Variants in CPT1B observed in about 807,000 individuals in gnomAD.
CPT1B encodes the protein carnitine palmitoyltransferase 1B.
In CPT1B, 57 loss-of-function variants were observed where a neutral mutation model predicts 92.7. That is an observed-to-expected ratio of 0.62 (90% CI 0.50 to 0.77). The LOEUF (loss-of-function observed/expected upper bound fraction) is 0.77. Among genes scored for constraint, CPT1B ranks in the 30% least tolerant of loss-of-function variants. The pLI, the probability that CPT1B is intolerant of heterozygous loss-of-function variation, is 0.00. For missense variants in CPT1B, 983 were observed against 1,017.4 expected (o/e 0.97, Z 0.46); for synonymous variants, 398 against 383.5 (o/e 1.04, Z -0.44).
rs1331498122 is a variant in CPT1B, at chr22:50,573,362, G to A, written c.1166+158C>T. 6.6e-6 allele frequency among the ~76,000 whole-genome samples: 1 copy of A among 152,144 alleles called. No individual in the cohort carries two copies. The highest frequency in any genetic ancestry group is 1.5e-5 in the Non-Finnish European group (1 of 68,006). ...CTTCACCTGGCTGCCACCCGTCAGA[G>A]GTAGGTTATGCTGGCTGTCCTGCTG... On this transcript the variant is annotated intron_variant, in intron 10 of 19. Coordinates refer to ENST00000312108, the MANE Select transcript of CPT1B (RefSeq NM_152246.3). The surrounding 1 kb of genome is among the most constrained non-coding windows in gnomAD (Gnocchi z 5.0).
rs771940517 is a variant in CPT1B, at chr22:50,571,171, T to G, written c.1862A>C (p.Glu621Ala). ...ESTAFVQAMM[E>A]GSHTKADLRD... ...GAGGACACTTACTGTGTGGGACCCCTCCATCATGGCCTGCACAAAGGCTGT... is the reference window on the plus strand; with the variant it reads ...GAGGACACTTACTGTGTGGGACCCCGCCATCATGGCCTGCACAAAGGCTGT... Residue 621 changes from glutamate to alanine, a missense_variant, in exon 15 of 20, where the codon GAG (glutamate) becomes GCG (alanine). Transcript: ENST00000312108. 6.2e-7 allele frequency: 1 copy of G among 1,613,956 alleles called. No individual in the cohort carries two copies. The highest frequency in any genetic ancestry group is 1.3e-5 in the African/African-American group (1 of 74,902).
At chr22:50,572,423 TCA>T in intron 11 of CPT1B, 115 bp from the exon 12 acceptor site, 1 of 670,460 alleles carries the variant, frequency 1.5e-6, no homozygotes. Context: ...TCTTTTTCTC[TCA>T]CTTTTTTTTT....
At chr22:50,577,513 C>T (rs2070507401) in intron 2 of CPT1B, 50 bp from the exon 3 acceptor site, 1 of 1,604,294 alleles carries the variant, frequency 6.2e-7, no homozygotes, top group Non-Finnish European at 8.5e-7. Context: ...GGGAGGTTAG[C>T]CTGCCTGTGA....
Position 50,572,246 on chromosome 22 carries a change from T to C in CPT1B, c.1415A>G (p.Glu472Gly). 1 of 1,614,008 alleles carries C rather than the reference T, an allele frequency of 6.2e-7. No homozygotes were observed. The highest frequency in any genetic ancestry group is 1.1e-5 in the South Asian group (1 of 91,076). ...GATGGGAGCATCTGCCCACGCATGC[T>C]CTGCATTGAGACCCAACTGGCCATT... is the stretch of plus-strand genomic sequence containing the variant. ...FKNGQLGLNA[E>G]HAWADAPIIG... The change falls in exon 12 of 20, where the codon GAG (glutamate) becomes GGG (glycine). Residue 472 changes from glutamate to glycine, a missense_variant. Glu to Gly is a moderately conservative substitution (Grantham distance 98, BLOSUM62 -2). Transcript: ENST00000312108.
At chr22:50,575,807 G>T (rs746387685) in intron 7 of CPT1B, among the ~76,000 whole-genome samples, 1 of 152,192 alleles carries the variant, frequency 6.6e-6, no homozygotes, top group Non-Finnish European at 1.5e-5. Context: ...GCGGTGGCAG[G>T]CTGGCGGTCT....
chr22:50,570,336 T>C lies in CPT1B; in HGVS notation c.2099A>G (p.Glu700Gly). ...PQSQIRMFDP[E>G]QHPNHLGAGG... ...AGCGCCCAGGTGATTGGGGTGCTGC[T>C]CTGGGTCGAACATGCGGATCTGGGA... Residue 700 changes from glutamate to glycine, a missense_variant, in exon 17 of 20, where the codon GAG becomes GGG. Physicochemically the swap from Glu to Gly is moderately conservative, Grantham distance 98. Transcript: ENST00000312108. 1 of 1,607,526 alleles carries C rather than the reference T, an allele frequency of 6.2e-7. No individual in the cohort carries two copies. The highest frequency in any genetic ancestry group is 2.2e-5 in the East Asian group (1 of 44,782).
rs2070415165 is a variant in CPT1B at position 50,576,054 on chromosome 22, T to C, written c.758A>G (p.Asn253Ser). The change falls in exon 7 of 20, where the codon AAC (asparagine) becomes AGC (serine). Residue 253 changes from asparagine (N) to serine (S), a missense_variant. Coordinates refer to ENST00000312108, the MANE Select transcript of CPT1B (RefSeq NM_152246.3). Reference sequence around the variant, plus strand: ...TCATACCATGACATAATAGTTGCTGTTCACCATGAGAGGGCTCCTGCCTCG... The same window carrying C: ...TCATACCATGACATAATAGTTGCTGCTCACCATGAGAGGGCTCCTGCCTCG... ...YLRGRSPLMVNSNYYVMDLVL... is the reference protein window; with the variant it reads ...YLRGRSPLMVSSNYYVMDLVL... The C allele has an allele frequency of 6.2e-7, 1 of 1,614,088 alleles. No individual in the cohort carries two copies. Among genetic ancestry groups the C allele is most frequent in the Non-Finnish European group, 8.5e-7 (1 of 1,180,012 alleles).
Position 50,576,216 on chromosome 22 carries a change from T to TG in CPT1B, c.680dup (p.Trp228MetfsTer5), listed in dbSNP as rs755162658. 1 of 1,614,134 alleles carries TG rather than the reference T, an allele frequency of 6.2e-7. No homozygotes were observed. ...AACTTACATAGTTACTTGCCCACCATGACTTGAGCACCAGGTATTTCTGCA... is the reference window on the plus strand; with the variant it reads ...AACTTACATAGTTACTTGCCCACCATGGACTTGAGCACCAGGTATTTCTGCA... On this transcript the variant is annotated frameshift_variant, in exon 6 of 20. Coordinates refer to ENST00000312108, the MANE Select transcript of CPT1B (RefSeq NM_152246.3). LOFTEE classifies it high-confidence loss of function.
intron 16 of CPT1B, 146 bp downstream of exon 16, chr22:50,570,745 G>T: frequency 9.7e-7 from 1 of 1,035,942 alleles, no homozygotes; most frequent in Non-Finnish European, 1.4e-6. Context: ...GCCCAGGTGG[G>T]GTGTGGGCGG....
At chr22:50,574,299 G>C (rs778005665) in intron 9 of CPT1B, 36 bp downstream of exon 9, 2 of 1,567,126 alleles carry the variant, frequency 1.3e-6, no homozygotes, top group Non-Finnish European at 1.7e-6. Flanking sequence ...GAGCCAGCCA[G>C]ATGGCCCACA....
chr22:50,573,515 A>C lies in CPT1B; in HGVS notation c.1166+5T>G, dbSNP rs2070285828. On this transcript the variant is annotated splice_donor_5th_base_variant and intron_variant, in intron 10 of 19. Coordinates refer to ENST00000312108, the MANE Select transcript of CPT1B (RefSeq NM_152246.3). This position sits in a 1 kb window ranked among gnomAD's most constrained non-coding sequence, Gnocchi z 5.0. Reference sequence around the variant, plus strand: ...TGGGGACAGTCCCTTCCTAGAGGCCAATACCTTCCTCCTGCAGTGAGGGCT... The same window carrying C: ...TGGGGACAGTCCCTTCCTAGAGGCCCATACCTTCCTCCTGCAGTGAGGGCT... 6.2e-7 allele frequency: 1 copy of C among 1,604,588 alleles called. No homozygotes were observed. The highest frequency in any genetic ancestry group is 1.7e-5 in the Admixed American group (1 of 59,458).
chr22:50,576,760 A>C (rs2070457691), intron 4 of CPT1B, 97 bp downstream of exon 4: 1 of 1,547,592 alleles, frequency 6.5e-7, no homozygotes, highest in African/African-American at 1.4e-5. Flanking sequence ...ACCAGGCACC[A>C]GTGCCCTGTC....
intron 2 of CPT1B, 98 bp from the exon 3 acceptor site, chr22:50,577,561 CTT>C (rs1186164162): frequency 1.3e-6 from 2 of 1,511,324 alleles, no homozygotes; most frequent in Non-Finnish European, 1.8e-6. Flanking sequence ...GCCTGGAAGG[CTT>C]TCTCTCCTGA....
In CPT1B at chr22:50,572,058, G is replaced by A. The variant is rs779490273; in HGVS notation, c.1523C>T (p.Pro508Leu). 1.5e-5 allele frequency: 24 copies of A among 1,613,968 alleles called. No homozygotes were observed. The highest frequency in any genetic ancestry group is 1.9e-5 in the Non-Finnish European group (23 of 1,180,012). ...TGTAGGAGGTGCGAGCGCAGGGTTC[G>A]GTTTGCCCAGGCAGTGCCCGGTCTC... ...YTETGHCLGK[P>L]NPALAPPTRL... Residue 508 changes from proline (P) to leucine (L), a missense_variant, in exon 13 of 20, where the codon CCG (proline) becomes CTG (leucine). By Grantham distance (98) the Pro-to-Leu change is moderately conservative. Coordinates refer to ENST00000312108, the MANE Select transcript of CPT1B (RefSeq NM_152246.3).
chr22:50,570,325 T>G lies in CPT1B; in HGVS notation c.2110A>C (p.Asn704His). ...IRMFDPEQHP[N>H]HLGAGGGFGP... ...AAGCCACCTCCAGCGCCCAGGTGATTGGGGTGCTGCTCTGGGTCGAACATG... is the reference window on the plus strand; with the variant it reads ...AAGCCACCTCCAGCGCCCAGGTGATGGGGGTGCTGCTCTGGGTCGAACATG... The change falls in exon 17 of 20, where the codon AAT becomes CAT. Residue 704 changes from asparagine (N) to histidine (H), a missense_variant. Asn to His is a moderately conservative substitution (Grantham distance 68). Coordinates refer to ENST00000312108, the MANE Select transcript of CPT1B (RefSeq NM_152246.3). 6.3e-7 allele frequency: 1 copy of G among 1,599,558 alleles called. No individual in the cohort carries two copies.
intron 7 of CPT1B, 104 bp downstream of exon 7, chr22:50,575,931 C>G: frequency 9.3e-7 from 1 of 1,071,932 alleles, no homozygotes; most frequent in Non-Finnish European, 1.4e-6. Context: ...CCCCACTTGC[C>G]CACGGAAGCT....
chr22:50,575,950 A>G (rs1303388099), intron 7 of CPT1B, 85 bp downstream of exon 7: 3 of 1,305,780 alleles, frequency 2.3e-6, no homozygotes, highest in Non-Finnish European at 2.2e-6. Context: ...CTGCTACTAG[A>G]GCTCTGGGCT....
rs2075241314 is a variant in CPT1B, at chr22:50,576,281, A to G, written c.616T>C (p.Leu206=). ...TTGTCCTGGAATTCTTTGGCCAGCA[A>G]CTCCATGCGGTAATATTCCTCATCA... ...LDDEEYYRME[L]LAKEFQDKTA... Residue 206 remains leucine, a synonymous_variant, in exon 6 of 20, where the codon TTG becomes CTG. Coordinates refer to ENST00000312108, the MANE Select transcript of CPT1B (RefSeq NM_152246.3). 6.2e-7 allele frequency: 1 copy of G among 1,613,754 alleles called. No individual in the cohort carries two copies. The highest frequency in any genetic ancestry group is 8.5e-7 in the Non-Finnish European group (1 of 1,179,958).
chr22:50,576,828 C>G (rs1226432608), intron 4 of CPT1B, 29 bp downstream of exon 4: 3 of 1,613,216 alleles, frequency 1.9e-6, no homozygotes, highest in Non-Finnish European at 2.5e-6. Context: ...AACCCAGGTG[C>G]CTGAACCCCT....
Sources: allele counts gnomAD v4.1 joint callset (sites outside exome capture counted in the v4.1 genomes callset), GRCh38; gene constraint gnomAD v4.1.1; non-coding constraint Gnocchi (gnomAD v3.1); transcripts MANE v1.5; gene names NCBI Gene and HGNC (gene_info 2026-07-23, HGNC 2026-07-21).